The following JAKMIP3 variants were observed in gnomAD, a reference collection of about 807,000 sequenced individuals.
JAKMIP3 encodes the protein janus kinase and microtubule-interacting protein 3.
A neutral mutation model predicts 118.5 loss-of-function variants in JAKMIP3; 58 were observed. The observed-to-expected ratio is 0.49, with a 90% CI of 0.40 to 0.61. JAKMIP3 has a LOEUF of 0.61. Ranked by LOEUF, JAKMIP3 falls within the 20% of genes least tolerant of loss-of-function variation. JAKMIP3 has a pLI of 0.00. For synonymous variants in JAKMIP3, 486 were observed against 451.2 expected (o/e 1.08, Z -0.98); for missense variants, 950 against 1,109.0 (o/e 0.86, Z 2.04).
chr10:132,054,761 G>A (rs1045637294), intron 1 of JAKMIP3, among the ~76,000 whole-genome samples: 22 of 152,194 alleles, frequency 1.4e-4, no homozygotes, highest in Admixed American at 9.8e-4. Context: ...GGACAGCACC[G>A]AAGCTGTTCC....
chr10:132,145,220 G>T, intron 12 of JAKMIP3, 30 bp downstream of exon 12: 5 of 1,554,852 alleles, frequency 3.2e-6, no homozygotes, highest in Non-Finnish European at 4.4e-6. Context: ...CACGGGCGTG[G>T]GGGCACACGT....
At chr10:132,087,678 C>T (rs903254681) in intron 1 of JAKMIP3, among the ~76,000 whole-genome samples, 2 of 151,518 alleles carry the variant, frequency 1.3e-5, no homozygotes, top group African/African-American at 4.8e-5. Context: ...TTTGCATTTC[C>T]ATAAGTGTGT....
intron 2 of JAKMIP3, among the ~76,000 whole-genome samples, chr10:132,111,255 G>T (rs921773110): frequency 2.0e-4 from 31 of 152,030 alleles, no homozygotes; most frequent in African/African-American, 7.3e-4. Flanking sequence ...AGGCAGCAAT[G>T]ACGGGGACAG....
chr10:132,058,518 G>A (rs187510865), intron 1 of JAKMIP3, among the ~76,000 whole-genome samples: 31 of 152,306 alleles, frequency 2.0e-4, no homozygotes, highest in Non-Finnish European at 3.7e-4. Context: ...CATCTGCTGC[G>A]GAGCAGAGAA....
At chr10:132,113,050 G>C (rs982815690) in intron 2 of JAKMIP3, among the ~76,000 whole-genome samples, 1 of 152,290 alleles carries the variant, frequency 6.6e-6, no homozygotes, top group African/African-American at 2.4e-5. Flanking sequence ...CTAGTGACCA[G>C]GATGCTGTAT....
rs1176909711 is a variant in JAKMIP3, at chr10:132,183,115, T to A, written c.*1862T>A. The A allele has an allele frequency of 2.0e-5, 3 of 152,240 alleles. No homozygotes were observed. Among genetic ancestry groups the A allele is most frequent in the Admixed American group, 2.0e-4 (3 of 15,290 alleles). 9.4% of individuals were successfully genotyped at this position (152,240 alleles called of 1,614,324 possible). On this transcript the variant is annotated 3_prime_UTR_variant, in exon 24 of 24. Coordinates refer to ENST00000684848, the MANE Select transcript of JAKMIP3 (RefSeq NM_001323087.2). Reference sequence around the variant, plus strand: ...TCTCATTTTAACGACTGCATCTTCTTGGCACATTTATTATACTCACAACTG... The same window carrying A: ...TCTCATTTTAACGACTGCATCTTCTAGGCACATTTATTATACTCACAACTG...
intron 3 of JAKMIP3, among the ~76,000 whole-genome samples, chr10:132,129,875 C>CTTT (rs5789115): frequency 4.3e-5 from 6 of 138,810 alleles, no homozygotes; most frequent in Admixed American, 1.4e-4. Flanking sequence ...GCATCAGTAC[C>CTTT]TTTTTTTTTT....
chr10:132,117,704 C>G lies in JAKMIP3; in HGVS notation c.633+130C>G. ...CACGCGGGCAGCACCGGCTTCACCC[C>G]CCATGACATTCTTAGCACAGGCTCC... On this transcript the variant is annotated intron_variant, in intron 3 of 23. Coordinates refer to ENST00000684848, the MANE Select transcript of JAKMIP3 (RefSeq NM_001323087.2). This position sits in a 1 kb window ranked among gnomAD's most constrained non-coding sequence, Gnocchi z 8.6. 9.0e-7 allele frequency: 1 copy of G among 1,107,078 alleles called. No homozygotes were observed. The highest frequency in any genetic ancestry group is 3.1e-5 in the East Asian group (1 of 32,462). 68.6% of individuals were successfully genotyped at this position (1,107,078 alleles called of 1,614,324 possible).
intron 17 of JAKMIP3, 54 bp from the exon 18 acceptor site, chr10:132,153,705 G>A (rs560550700): frequency 2.6e-5 from 41 of 1,566,430 alleles, no homozygotes; most frequent in Non-Finnish European, 2.5e-5. Flanking sequence ...GTCTCCACGA[G>A]CCGGGGTGGG....
chr10:132,180,612 T>TGCGC lies in JAKMIP3; in HGVS notation c.*1104-1744_*1104-1743insCGCG, dbSNP rs1565019226. Among the ~76,000 whole-genome samples, 11 of 23,196 alleles carry TGCGC rather than the reference T, an allele frequency of 4.7e-4. 2 individuals are homozygous for TGCGC. In the East Asian group the frequency reaches 5.7e-3, roughly 12 times the overall value. The allele number at this position is 23,196 out of a possible 152,430, so 15.2% of individuals were successfully genotyped here. ...GTGTGTGTGTGCGTGCGCGTGTGTG[T>TGCGC]GTGCGTGTGTGTGCGTGTGTGCGTG... On this transcript the variant is annotated intron_variant, in intron 23 of 23. Coordinates refer to ENST00000684848, the MANE Select transcript of JAKMIP3 (RefSeq NM_001323087.2).
At chr10:132,061,836 AAC>A (rs1338178440), upstream of JAKMIP3, among the ~76,000 whole-genome samples, 1 of 152,236 alleles carries the variant, frequency 6.6e-6, no homozygotes, top group African/African-American at 2.4e-5. Flanking sequence ...AACAGAGGAA[AAC>A]ATGTGGGTAA....
chr10:132,125,390 G>A (rs867992651), intron 3 of JAKMIP3, among the ~76,000 whole-genome samples: 3 of 152,372 alleles, frequency 2.0e-5, no homozygotes, highest in East Asian at 3.9e-4. Flanking sequence ...CCACAGACGC[G>A]GGTCTCTTTC....
At chr10:132,151,789 C>G (rs2056264630) in intron 16 of JAKMIP3, among the ~76,000 whole-genome samples, 3 of 152,076 alleles carry the variant, frequency 2.0e-5, no homozygotes, top group Admixed American at 1.3e-4. Flanking sequence ...ATCATGCAGC[C>G]TCTGAGGCCA....
chr10:132,061,747 T>G (rs190768131), upstream of JAKMIP3, among the ~76,000 whole-genome samples: 6 of 152,298 alleles, frequency 3.9e-5, no homozygotes, highest in Admixed American at 2.0e-4. Context: ...GGTGAAAAGC[T>G]AAAACAGACC....
chr10:132,148,749 G>T (rs894843432), intron 14 of JAKMIP3, among the ~76,000 whole-genome samples: 1 of 152,224 alleles, frequency 6.6e-6, no homozygotes, highest in Non-Finnish European at 1.5e-5. Flanking sequence ...GGCTGGGTGT[G>T]GGCAGCCACG....
At chr10:132,174,860 GA>G (rs2060006413) in intron 23 of JAKMIP3, among the ~76,000 whole-genome samples, 1 of 152,132 alleles carries the variant, frequency 6.6e-6, no homozygotes, top group African/African-American at 2.4e-5. Flanking sequence ...ACTGACTAAT[GA>G]TGTTGAGCAT....
In JAKMIP3 at chr10:132,180,730, C is replaced by CGTGCGT. The variant is rs2061167664; in HGVS notation, c.*1104-1624_*1104-1623insCGTGTG. On this transcript the variant is annotated intron_variant, in intron 23 of 23. Transcript: ENST00000684848. ...GTGCGCGTGTGTGTGCGTGTGTGTG[C>CGTGCGT]GTGTGTGCGTGCGTGCGCGCGCGTG... is the stretch of plus-strand genomic sequence containing the variant. Among the ~76,000 whole-genome samples the CGTGCGT allele has an allele frequency of 2.6e-3, 23 of 8,680 alleles. 3 individuals carry two copies. The highest frequency in any genetic ancestry group is 0.014 in the African/African-American group (22 of 1,548). The allele number at this position is 8,680 out of a possible 152,430, so 5.7% of individuals were successfully genotyped here.
At chr10:132,154,530 T>C (rs1232482236) in intron 19 of JAKMIP3, among the ~76,000 whole-genome samples, 1 of 152,220 alleles carries the variant, frequency 6.6e-6, no homozygotes, top group Non-Finnish European at 1.5e-5. Flanking sequence ...AGCAAAATCA[T>C]CTGTCCCTGC....
intron 1 of JAKMIP3, among the ~76,000 whole-genome samples, chr10:132,058,710 T>C (rs565043609): frequency 6.6e-6 from 1 of 152,328 alleles, no homozygotes; most frequent in East Asian, 1.9e-4. Flanking sequence ...CACCCGGCTG[T>C]TGGAAAATCA....
Sources: gnomAD v4.1 joint callset for allele counts (sites outside exome capture counted in the v4.1 genomes callset) on GRCh38, gnomAD v4.1.1 for gene constraint, Gnocchi (gnomAD v3.1) non-coding constraint, MANE v1.5 for transcripts, NCBI Gene and HGNC (gene_info 2026-07-23, HGNC 2026-07-21) for gene names.